The following RYR1 variants were observed in gnomAD, a reference collection of about 807,000 sequenced individuals.
The protein encoded by RYR1 is ryanodine receptor 1.
A neutral mutation model predicts 583.5 loss-of-function variants in RYR1; 342 were observed. The observed-to-expected ratio is 0.59, with a 90% CI of 0.54 to 0.64. The LOEUF (loss-of-function observed/expected upper bound fraction) is 0.64, where lower values mean the gene tolerates loss of function less well. Ranked by LOEUF, RYR1 falls within the 30% of genes least tolerant of loss-of-function variation. RYR1 has a pLI of 0.00. For missense variants in RYR1, 6,032 were observed against 6,917.2 expected (o/e 0.87, Z 4.54); for synonymous variants, 2,791 against 2,822.5 (o/e 0.99, Z 0.35).
intron 58 of RYR1, among the ~76,000 whole-genome samples, chr19:38,510,198 G>A (rs1290345837): frequency 6.6e-6 from 1 of 152,094 alleles, no homozygotes; most frequent in African/African-American, 2.4e-5. Flanking sequence ...GAGCATGTCT[G>A]TAATCCCAGC....
intron 89 of RYR1, among the ~76,000 whole-genome samples, chr19:38,550,274 G>C (rs1972610874): frequency 6.6e-6 from 1 of 152,062 alleles, no homozygotes; most frequent in South Asian, 2.1e-4. Flanking sequence ...TAGGTGTTCT[G>C]TCTGTTTTCC....
Position 38,504,245 on chromosome 19 carries a change from G to C in RYR1, c.7952G>C (p.Cys2651Ser). The part of the protein sequence containing the change: ...LKLLTNHYER[C>S]WKYYCLPTGW... ...CTCCTCACCAACCACTATGAGCGCT[G>C]TTGGAAGTACTACTGCCTACCCACG... The change falls in exon 50 of 106, where the codon TGT becomes TCT. Residue 2651 changes from cysteine to serine, a missense_variant. Coordinates refer to ENST00000359596, the MANE Select transcript of RYR1 (RefSeq NM_000540.3). The C allele has an allele frequency of 6.2e-7, 1 of 1,613,998 alleles. No individual in the cohort carries two copies. Among genetic ancestry groups the C allele is most frequent in the East Asian group, 2.2e-5 (1 of 44,866 alleles).
rs376229195 is a variant in RYR1, at chr19:38,566,985, C to T, written c.13512C>T (p.Ala4504=). Residue 4504 remains alanine, a splice_region_variant and synonymous_variant, in exon 92 of 106, where the codon GCC becomes GCT. Transcript: ENST00000359596. ...EPEPELEPEK[A]DAENGEKEEV... ...AACCAGAGCTGGAGCCGGAGAAAGC[C>T]GAGTGAGTGGCCTTGGGGCTGAGGG... The T allele has an allele frequency of 3.1e-5, 50 of 1,591,940 alleles. No individual in the cohort carries two copies. The highest frequency in any genetic ancestry group is 4.1e-5 in the Non-Finnish European group (48 of 1,169,136).
intron 90 of RYR1, among the ~76,000 whole-genome samples, chr19:38,563,066 G>C (rs1179171718): frequency 6.6e-6 from 1 of 152,138 alleles, no homozygotes; most frequent in Non-Finnish European, 1.5e-5. Context: ...TGCACGTGCT[G>C]GGGGAGCTCT....
chr19:38,519,126 G>C, intron 66 of RYR1, 88 bp from the exon 67 acceptor site: 3 of 1,606,548 alleles, frequency 1.9e-6, no homozygotes, highest in East Asian at 4.5e-5. Context: ...CTAGGTTGGA[G>C]ATGCTGTTTG....
Position 38,586,135 on chromosome 19 carries a change from G to A in RYR1, c.14913G>A (p.Thr4971=), listed in dbSNP as rs376180682. The A allele has an allele frequency of 1.1e-5, 17 of 1,613,948 alleles. No individual in the cohort carries two copies. The East Asian group carries it at 1.1e-4, about 11-fold the overall frequency. The change falls in exon 104 of 106, where the codon ACG becomes ACA. Residue 4971 remains threonine (T), a synonymous_variant. Coordinates refer to ENST00000359596, the MANE Select transcript of RYR1 (RefSeq NM_000540.3). ...GAATCGGCAGTGACTACTTTGATAC[G>A]ACACCGCATGGCTTCGAGACTCACA... is the stretch of plus-strand genomic sequence containing the variant. ...ICGIGSDYFD[T]TPHGFETHTL... is the part of the protein sequence containing the mutation.
Position 38,496,898 on chromosome 19 carries a change from TC to T in RYR1, c.6837del (p.Val2280SerfsTer150), listed in dbSNP as rs1969858038. 6.2e-7 allele frequency: 1 copy of T among 1,613,338 alleles called. No homozygotes were observed. Among genetic ancestry groups the T allele is most frequent in the Non-Finnish European group, 8.5e-7 (1 of 1,180,000 alleles). On this transcript the variant is annotated frameshift_variant, in exon 42 of 106. Transcript: ENST00000359596. LOFTEE classifies it high-confidence loss of function. The surrounding 1 kb of genome is among the most constrained non-coding windows in gnomAD (Gnocchi z 4.8). ...CACGCCCCTGGACGTGGCTGCTGCC[TC>T]CGTCATTGACAACAATGAGCTGGCC... is the stretch of plus-strand genomic sequence containing the variant. Reference protein sequence around the residue: ...GSTPLDVAAASVIDNNELALA... With the variant: ...GSTPLDVAAAXVIDNNELALA...
intron 83 of RYR1, among the ~76,000 whole-genome samples, chr19:38,537,550 C>T (rs893829631): frequency 2.6e-5 from 4 of 152,174 alleles, no homozygotes; most frequent in African/African-American, 2.4e-5. Context: ...TACCAGCTGC[C>T]TGAATGTCTG....
chr19:38,523,635 C>CCCTCCT (rs968446780), intron 69 of RYR1: 8 of 607,820 alleles, frequency 1.3e-5, no homozygotes, highest in Non-Finnish European at 2.1e-5. Flanking sequence ...CCTCCCATTT[C>CCCTCCT]CCTCCTCCTC....
intron 35 of RYR1, among the ~76,000 whole-genome samples, 168 bp from the exon 36 acceptor site, chr19:38,489,908 G>A (rs1478910816): frequency 1.3e-5 from 2 of 152,208 alleles, no homozygotes; most frequent in Non-Finnish European, 2.9e-5. Flanking sequence ...GGGATTACAG[G>A]CATGAGCCAC....
chr19:38,504,091 C>T, intron 49 of RYR1, 129 bp from the exon 50 acceptor site: 2 of 1,009,884 alleles, frequency 2.0e-6, no homozygotes, highest in South Asian at 1.4e-5. Context: ...ATTAGCATAT[C>T]ATTTGCATAA....
At position 38,473,467 on chromosome 19, in the gene RYR1, C is replaced by G. The variant is rs777657818; in HGVS notation, c.3856C>G (p.Leu1286Val). The G allele has an allele frequency of 4.3e-6, 7 of 1,613,954 alleles. No individual in the cohort carries two copies. In the Admixed American group the frequency reaches 6.7e-5, roughly 15 times the overall value. ...WGSQNSLVEM[L>V]FLRLSLPVQF... ...CTCCCAGAACAGCCTGGTGGAGATG[C>G]TTTTCCTGCGGCTGAGCCTCCCAGT... The change falls in exon 28 of 106, where the codon CTT (leucine) becomes GTT (valine). Residue 1286 changes from leucine (L) to valine (V), a missense_variant. Leu to Val is a conservative substitution (Grantham distance 32, BLOSUM62 1). Transcript: ENST00000359596.
Position 38,433,820 on chromosome 19 carries a change from C to G in RYR1, c.-10C>G. The G allele has an allele frequency of 6.2e-7, 1 of 1,611,132 alleles. No individual in the cohort carries two copies. The highest frequency in any genetic ancestry group is 8.5e-7 in the Non-Finnish European group (1 of 1,178,464). ...CCGACCTCAGACCCTGGGCTTCCGA[C>G]CTCGACATCATGGGTGACGCAGAAG... On this transcript the variant is annotated 5_prime_UTR_variant, in exon 1 of 106. Transcript: ENST00000359596.
intron 93 of RYR1, among the ~76,000 whole-genome samples, chr19:38,569,701 G>A (rs1402578730): frequency 3.3e-5 from 5 of 152,148 alleles, no homozygotes; most frequent in African/African-American, 9.7e-5. Context: ...TCTGCCACTC[G>A]TTGGTTATGT....
At position 38,543,365 on chromosome 19, in the gene RYR1, G is replaced by T; in HGVS notation, c.11708G>T (p.Arg3903Leu). The change falls in exon 85 of 106, where the codon CGG becomes CTG. Residue 3903 changes from arginine to leucine, a missense_variant. By Grantham distance (102) the Arg-to-Leu change is moderately radical. Transcript: ENST00000359596. This position sits in a 1 kb window ranked among gnomAD's most constrained non-coding sequence, Gnocchi z 4.4. ...GHNNDFQNYL[R>L]TQTGNTTTIN... ...TCCCCAGATTTCCAGAACTACCTAC[G>T]GACACAGACAGGGAACACGACCACT... The T allele has an allele frequency of 6.2e-7, 1 of 1,614,168 alleles. No homozygotes were observed. The highest frequency in any genetic ancestry group is 8.5e-7 in the Non-Finnish European group (1 of 1,180,034).
At chr19:38,480,769 A>G (rs1360400060) in intron 31 of RYR1, among the ~76,000 whole-genome samples, 1 of 151,512 alleles carries the variant, frequency 6.6e-6, no homozygotes, top group African/African-American at 2.4e-5. Flanking sequence ...TTTTGAGACA[A>G]TGTCTCACTC....
intron 11 of RYR1, among the ~76,000 whole-genome samples, chr19:38,451,357 C>T (rs923115394): frequency 3.3e-5 from 5 of 151,748 alleles, no homozygotes; most frequent in African/African-American, 1.2e-4. Context: ...GGTGGTCTGG[C>T]ATTCTATCTG....
At chr19:38,442,877 G>C (rs887731475) in intron 3 of RYR1, among the ~76,000 whole-genome samples, 1 of 152,050 alleles carries the variant, frequency 6.6e-6, no homozygotes, top group African/African-American at 2.4e-5. Flanking sequence ...GCTCCTCTCC[G>C]CATGGGACCT....
intron 101 of RYR1, among the ~76,000 whole-genome samples, chr19:38,584,341 C>T (rs1974355348): frequency 7.7e-6 from 1 of 130,108 alleles, no homozygotes; most frequent in East Asian, 2.5e-4. Flanking sequence ...CTGTGCCCCC[C>T]ATCCATCCCG....
Sources: gnomAD v4.1 joint callset for allele counts (sites outside exome capture counted in the v4.1 genomes callset) on GRCh38, gnomAD v4.1.1 for gene constraint, Gnocchi (gnomAD v3.1) non-coding constraint, MANE v1.5 for transcripts, NCBI Gene and HGNC (gene_info 2026-07-23, HGNC 2026-07-21) for gene names.